The following PACS1 variants were observed in gnomAD, a reference collection of about 807,000 sequenced individuals.
The protein encoded by PACS1 is PACS-1.
Under a neutral mutation model 115.0 loss-of-function variants are expected in PACS1, and 24 were observed. The ratio of observed to expected loss-of-function variants is 0.21; its 90% CI spans 0.15 to 0.29. PACS1 has a LOEUF of 0.29. PACS1 is among the 10% of genes least tolerant of loss of function. PACS1 has a pLI of 1.00. For synonymous variants in PACS1, 453 were observed against 504.5 expected (o/e 0.90, Z 1.37); for missense variants, 838 against 1,251.2 (o/e 0.67, Z 4.98).
chr11:66,224,873 T>C (rs2155201), intron 10 of PACS1, among the ~76,000 whole-genome samples: 28,735 of 152,218 alleles, frequency 0.19, 2,838 homozygotes, highest in East Asian at 0.27. Flanking sequence ...TTCCTAGCAC[T>C]GTTATTTATT....
chr11:66,242,969 A>G lies in PACS1; in HGVS notation c.2714A>G (p.Gln905Arg), dbSNP rs1647478657. The G allele has an allele frequency of 6.2e-7, 1 of 1,613,962 alleles. No individual in the cohort carries two copies. Residue 905 changes from glutamine to arginine, a missense_variant, in exon 23 of 24, where the codon CAG (glutamine) becomes CGG (arginine). By Grantham distance (43) the Gln-to-Arg change is conservative. This residue lies in a region of PACS1 where 84 missense variants were observed against 187.1 expected (regional missense o/e 0.45). Transcript: ENST00000320580. Reference protein sequence around the residue: ...PREKEVDSKSQVIEGISRLIC... With the variant: ...PREKEVDSKSRVIEGISRLIC... ...GAAAAGGAGGTGGATTCTAAGAGCC[A>G]GGTCATTGAAGGCATCAGCCGCCTC...
In PACS1 at chr11:66,237,392, G is replaced by A. The variant is rs1430983642; in HGVS notation, c.2251-1412G>A. Among the ~76,000 whole-genome samples, 3 of 152,192 alleles carry A rather than the reference G, an allele frequency of 2.0e-5. No individual in the cohort carries two copies. The East Asian group carries it at 5.8e-4, about 29-fold the overall frequency. ...GTATCTTTTTTTGTAATTTCCTTGA[G>A]GCTCCCTCGTAGCTTCTAGACAGGG... On this transcript the variant is annotated intron_variant, in intron 19 of 23. Transcript: ENST00000320580.
chr11:66,176,694 G>A (rs114517982), intron 1 of PACS1, among the ~76,000 whole-genome samples: 4,315 of 152,134 alleles, frequency 0.028, 234 homozygotes, highest in African/African-American at 0.099. Context: ...GATTACATGC[G>A]TGAACCATCA....
At chr11:66,142,478 TG>T (rs2134595871) in intron 1 of PACS1, among the ~76,000 whole-genome samples, 1 of 152,084 alleles carries the variant, frequency 6.6e-6, no homozygotes, top group Middle Eastern at 3.4e-3. Context: ...GCTAATTTTT[TG>T]TATTTTTTAG....
intron 1 of PACS1, among the ~76,000 whole-genome samples, chr11:66,120,216 C>T (rs796951921): frequency 2.4e-4 from 35 of 144,532 alleles, no homozygotes; most frequent in African/African-American, 7.5e-4. Context: ...GGCACGATCT[C>T]GGCTCACTGC....
At chr11:66,086,246 C>T (rs1005439259) in intron 1 of PACS1, among the ~76,000 whole-genome samples, 9 of 150,154 alleles carry the variant, frequency 6.0e-5, no homozygotes, top group African/African-American at 1.7e-4. Flanking sequence ...TCACGCCATT[C>T]TCCTGCCTCA....
intron 4 of PACS1, among the ~76,000 whole-genome samples, chr11:66,213,011 G>A (rs549173358): frequency 2.2e-4 from 34 of 152,108 alleles, no homozygotes; most frequent in Middle Eastern, 6.8e-3. Flanking sequence ...CACCATGCCC[G>A]GCTAATTTTT....
chr11:66,224,399 G>A lies in PACS1; in HGVS notation c.1294-3105G>A, dbSNP rs553335277. Among the ~76,000 whole-genome samples the A allele has an allele frequency of 3.9e-5, 6 of 152,236 alleles. 1 individual carries two copies. In the South Asian group the frequency reaches 1.0e-3, roughly 26 times the overall value. ...ATCTACAAGGTACGTGTTAAAGCTC[G>A]TGCCTCCCAAGGTAGTGAGGAGATG... On this transcript the variant is annotated intron_variant, in intron 10 of 23. Coordinates refer to ENST00000320580, the MANE Select transcript of PACS1 (RefSeq NM_018026.4).
chr11:66,092,089 A>G (rs1187902954), intron 1 of PACS1, among the ~76,000 whole-genome samples: 1 of 152,150 alleles, frequency 6.6e-6, no homozygotes, highest in African/African-American at 2.4e-5. Flanking sequence ...TCCCTGAGGA[A>G]TCGCCACATT....
chr11:66,161,867 CCA>C (rs918606210), intron 1 of PACS1, among the ~76,000 whole-genome samples: 17 of 152,084 alleles, frequency 1.1e-4, no homozygotes, highest in African/African-American at 4.1e-4. Context: ...AATAGCTTTT[CCA>C]CAGTCAGGTT....
intron 1 of PACS1, among the ~76,000 whole-genome samples, chr11:66,188,262 T>A (rs1490509194): frequency 6.6e-6 from 1 of 152,038 alleles, no homozygotes. Flanking sequence ...TTTGTCTTAT[T>A]CTTTTCACTC....
At chr11:66,138,243 C>T (rs1858894257) in intron 1 of PACS1, among the ~76,000 whole-genome samples, 1 of 151,938 alleles carries the variant, frequency 6.6e-6, no homozygotes. Flanking sequence ...AGACTTCTGC[C>T]ACCATGCCCA....
At chr11:66,090,967 C>T (rs1009471489) in intron 1 of PACS1, among the ~76,000 whole-genome samples, 1 of 152,090 alleles carries the variant, frequency 6.6e-6, no homozygotes, top group Non-Finnish European at 1.5e-5. Context: ...TGGAATATGC[C>T]TAATACTAAT....
chr11:66,115,822 A>T lies in PACS1; in HGVS notation c.356+44980A>T, dbSNP rs772239241. 2.0e-5 allele frequency among the ~76,000 whole-genome samples: 3 copies of T among 152,018 alleles called. No homozygotes were observed. The East Asian group carries it at 5.8e-4, about 29-fold the overall frequency. ...TTTTGGTTTCTGGTTTTCCTTTTCA[A>T]TTTGTTACAAGTACGCTTAAAGCAC... On this transcript the variant is annotated intron_variant, in intron 1 of 23. Transcript: ENST00000320580.
At chr11:66,112,750 A>T (rs1858217579) in intron 1 of PACS1, among the ~76,000 whole-genome samples, 1 of 152,214 alleles carries the variant, frequency 6.6e-6, no homozygotes, top group Non-Finnish European at 1.5e-5. Context: ...GAATGGGGAA[A>T]TGAAAGTTAT....
rs562081301 is a variant in PACS1, at chr11:66,209,031, A to C, written c.445-1331A>C. On this transcript the variant is annotated intron_variant, in intron 2 of 23. Transcript: ENST00000320580. Reference sequence around the variant, plus strand: ...TGTGCTGGGAATCATACTGAACAAGACATATCTTTGTCTCATGGATCTTGA... The same window carrying C: ...TGTGCTGGGAATCATACTGAACAAGCCATATCTTTGTCTCATGGATCTTGA... Among the ~76,000 whole-genome samples, 20 of 152,294 alleles carry C rather than the reference A, an allele frequency of 1.3e-4. No individual in the cohort carries two copies. The South Asian group carries it at 3.3e-3, about 25-fold the overall frequency.
chr11:66,085,173 T>G (rs1336998098), intron 1 of PACS1, among the ~76,000 whole-genome samples: 1 of 152,210 alleles, frequency 6.6e-6, no homozygotes, highest in Admixed American at 6.5e-5. Flanking sequence ...TTTTTAATAT[T>G]TTTTCTTTTC....
At chr11:66,100,648 C>A in intron 1 of PACS1, 1 of 352,370 alleles carries the variant, frequency 2.8e-6, no homozygotes, top group Non-Finnish European at 5.7e-6. Context: ...ATACAAACTG[C>A]ACTTTGGGCA....
At chr11:66,178,523 T>G (rs766173175) in intron 1 of PACS1, among the ~76,000 whole-genome samples, 1 of 152,206 alleles carries the variant, frequency 6.6e-6, no homozygotes, top group Non-Finnish European at 1.5e-5. Context: ...AAATTCTTGT[T>G]CCTGTTTTAT....
Sources: allele counts gnomAD v4.1 joint callset (sites outside exome capture counted in the v4.1 genomes callset), GRCh38; gene constraint gnomAD v4.1.1; regional missense constraint gnomAD v4.1.1; transcripts MANE v1.5; gene names NCBI Gene and HGNC (gene_info 2026-07-23, HGNC 2026-07-21).